NELL2: variants seen among roughly 807,000 people sequenced by gnomAD.
NELL2 encodes protein kinase C-binding protein NELL2.
A neutral mutation model predicts 109.6 loss-of-function variants in NELL2; 41 were observed. The observed-to-expected ratio is 0.37, with a 90% CI of 0.29 to 0.49. The LOEUF (loss-of-function observed/expected upper bound fraction) is 0.49. Among genes scored for constraint, NELL2 ranks in the 20% least tolerant of loss-of-function variants. The pLI, the probability that NELL2 is intolerant of heterozygous loss-of-function variation, is 0.98. For missense variants in NELL2, 900 were observed against 1,008.3 expected (o/e 0.89, Z 1.45); for synonymous variants, 355 against 344.7 (o/e 1.03, Z -0.33).
In NELL2 at chr12:44,741,619, T is replaced by C. The variant is rs182565174; in HGVS notation, c.995-26878A>G. Among the ~76,000 whole-genome samples, 31 of 152,270 alleles carry C rather than the reference T, an allele frequency of 2.0e-4. No individual in the cohort carries two copies. The East Asian group carries it at 5.8e-3, about 29-fold the overall frequency. ...CACTCCCACCCTAATACTGCGCTTT[T>C]CCAACAGGCTTAAAAAATGGCACAC... On this transcript the variant is annotated intron_variant, in intron 9 of 19. Transcript: ENST00000429094.
chr12:44,534,776 G>T (rs1942225214), intron 15 of NELL2, among the ~76,000 whole-genome samples: 2 of 152,190 alleles, frequency 1.3e-5, no homozygotes, highest in South Asian at 4.1e-4. Flanking sequence ...CGTTTTAGAA[G>T]AATTTGGTCA....
chr12:44,556,694 C>T (rs921873248), intron 15 of NELL2, among the ~76,000 whole-genome samples: 1 of 152,144 alleles, frequency 6.6e-6, no homozygotes, highest in South Asian at 2.1e-4. Context: ...AACATGTTAA[C>T]AAATCACTAG....
At chr12:44,788,929 G>A (rs540507089) in intron 3 of NELL2, among the ~76,000 whole-genome samples, 50 of 152,096 alleles carry the variant, frequency 3.3e-4, no homozygotes, top group South Asian at 6.2e-4. Context: ...CTCAGCAGAG[G>A]CAGCCATAAT....
chr12:44,681,866 C>T (rs961846589), intron 12 of NELL2, among the ~76,000 whole-genome samples: 8 of 151,492 alleles, frequency 5.3e-5, no homozygotes, highest in South Asian at 2.1e-4. Flanking sequence ...TGAATAATGC[C>T]GCAATAAACA....
intron 15 of NELL2, among the ~76,000 whole-genome samples, chr12:44,581,585 C>G (rs944760591): frequency 6.6e-6 from 1 of 151,944 alleles, no homozygotes; most frequent in Admixed American, 6.6e-5. Flanking sequence ...TGTACAAAAC[C>G]ATTAAGTGGC....
At chr12:44,730,027 A>G (rs1431076343) in intron 9 of NELL2, among the ~76,000 whole-genome samples, 1 of 152,146 alleles carries the variant, frequency 6.6e-6, no homozygotes, top group African/African-American at 2.4e-5. Flanking sequence ...TTAAATTCAT[A>G]ACTGTCAAAT....
chr12:44,906,561 T>C (rs1945721493), intron 1 of NELL2, among the ~76,000 whole-genome samples: 1 of 151,970 alleles, frequency 6.6e-6, no homozygotes, highest in African/African-American at 2.4e-5. Flanking sequence ...GGACTTACAC[T>C]GAATTCAGAG....
At chr12:44,589,419 A>C (rs1944662963) in intron 15 of NELL2, among the ~76,000 whole-genome samples, 1 of 151,542 alleles carries the variant, frequency 6.6e-6, no homozygotes, top group African/African-American at 2.4e-5. Flanking sequence ...TTTGAGATGG[A>C]GTCTGGCTCT....
rs1230741059 is a variant in NELL2, at chr12:44,795,993, TCA to T, written c.336-15973_336-15972del. 2.0e-5 allele frequency among the ~76,000 whole-genome samples: 3 copies of T among 152,132 alleles called. No individual in the cohort carries two copies. In the East Asian group the frequency reaches 5.8e-4, roughly 29 times the overall value. On this transcript the variant is annotated intron_variant, in intron 3 of 19. Transcript: ENST00000429094. ...GTATAATGCAGCAATTTAAGAGGAC[TCA>T]GAGTCTCTTAATCCTGTCCCCACAG... is the stretch of plus-strand genomic sequence containing the variant.
At chr12:44,527,778 T>A (rs1392923004) in intron 16 of NELL2, among the ~76,000 whole-genome samples, 4 of 152,038 alleles carry the variant, frequency 2.6e-5, no homozygotes, top group Non-Finnish European at 5.9e-5. Context: ...TTAAAAAATA[T>A]AACTTAGATG....
chr12:44,727,191 T>G (rs1461777345), intron 9 of NELL2, among the ~76,000 whole-genome samples: 1 of 152,112 alleles, frequency 6.6e-6, no homozygotes, highest in African/African-American at 2.4e-5. Flanking sequence ...ATAGGGAAAT[T>G]GTTGAAAATA....
intron 9 of NELL2, among the ~76,000 whole-genome samples, chr12:44,743,662 A>G (rs1940144761): frequency 6.6e-6 from 1 of 152,220 alleles, no homozygotes; most frequent in Non-Finnish European, 1.5e-5. Flanking sequence ...AGTCTCTGAT[A>G]AAACAGACTT....
chr12:44,624,520 C>A (rs1592226039), intron 13 of NELL2, among the ~76,000 whole-genome samples: 1 of 152,082 alleles, frequency 6.6e-6, no homozygotes, highest in Admixed American at 6.6e-5. Context: ...TCTGGGATCC[C>A]AGATCTAGTA....
intron 1 of NELL2, among the ~76,000 whole-genome samples, chr12:44,905,664 A>T (rs1267796514): frequency 1.3e-5 from 2 of 152,132 alleles, no homozygotes; most frequent in Non-Finnish European, 2.9e-5. Flanking sequence ...AGATACACTG[A>T]ATTATTTTAT....
intron 18 of NELL2, among the ~76,000 whole-genome samples, chr12:44,520,535 T>C (rs1342948637): frequency 6.6e-6 from 1 of 152,190 alleles, no homozygotes; most frequent in Admixed American, 6.5e-5. Context: ...ATCTTTCCCA[T>C]GACAAAGGAG....
chr12:44,557,159 A>T (rs1295806714), intron 15 of NELL2, among the ~76,000 whole-genome samples: 1 of 152,132 alleles, frequency 6.6e-6, no homozygotes, highest in African/African-American at 2.4e-5. Flanking sequence ...GCCTTGAACC[A>T]GGGCCCCCCA....
At chr12:44,629,880 C>T (rs1010169321) in intron 13 of NELL2, among the ~76,000 whole-genome samples, 1 of 152,104 alleles carries the variant, frequency 6.6e-6, no homozygotes, top group African/African-American at 2.4e-5. Flanking sequence ...ATCATCTTGC[C>T]CTAGAAATTT....
At chr12:44,758,399 T>A (rs2136542829) in intron 9 of NELL2, among the ~76,000 whole-genome samples, 1 of 152,238 alleles carries the variant, frequency 6.6e-6, no homozygotes, top group South Asian at 2.1e-4. Context: ...CTTTATTAAA[T>A]CCCCACTTCA....
chr12:44,519,626 A>G (rs1941431486), intron 19 of NELL2, among the ~76,000 whole-genome samples: 1 of 152,240 alleles, frequency 6.6e-6, no homozygotes, highest in Non-Finnish European at 1.5e-5. Context: ...GGACCTTGTA[A>G]AAGAACCAGC....
Sources: allele counts gnomAD v4.1 joint callset (sites outside exome capture counted in the v4.1 genomes callset), GRCh38; gene constraint gnomAD v4.1.1; transcripts MANE v1.5; gene names NCBI Gene and HGNC (gene_info 2026-07-23, HGNC 2026-07-21).